Variants in CLEC16A observed in about 807,000 individuals in gnomAD.
CLEC16A encodes protein CLEC16A.
Under a neutral mutation model 109.5 loss-of-function variants are expected in CLEC16A, and 51 were observed. The ratio of observed to expected loss-of-function variants is 0.47; its 90% CI spans 0.37 to 0.59. The LOEUF (loss-of-function observed/expected upper bound fraction) is 0.59, where lower values mean the gene tolerates loss of function less well. CLEC16A is among the 20% of genes least tolerant of loss of function. CLEC16A has a pLI of 0.00. For synonymous variants in CLEC16A, 673 were observed against 564.2 expected (o/e 1.19, Z -2.73); for missense variants, 1,339 against 1,394.0 (o/e 0.96, Z 0.63).
chr16:10,990,788 T>A (rs1418550117), intron 10 of CLEC16A, among the ~76,000 whole-genome samples: 2 of 152,220 alleles, frequency 1.3e-5, no homozygotes, highest in Non-Finnish European at 1.5e-5. Flanking sequence ...ATTGGTGACT[T>A]CTTCTGGGTT....
At position 11,123,691 on chromosome 16, in the gene CLEC16A, C is replaced by T. The variant is rs2052594026; in HGVS notation, c.2269-51C>T. On this transcript the variant is annotated intron_variant, in intron 20 of 23. Transcript: ENST00000409790. Reference sequence around the variant, plus strand: ...CTCATGATGCCACAGCTCCTAGCCACCCTCCTCCCAAACCCAACGAATGCC... The same window carrying T: ...CTCATGATGCCACAGCTCCTAGCCATCCTCCTCCCAAACCCAACGAATGCC... 2.5e-6 allele frequency: 4 copies of T among 1,577,084 alleles called. No individual in the cohort carries two copies. The South Asian group carries it at 3.3e-5, about 13-fold the overall frequency.
At chr16:11,044,233 A>G (rs991688139) in intron 16 of CLEC16A, 161 bp downstream of exon 16, 1 of 521,742 alleles carries the variant, frequency 1.9e-6, no homozygotes, top group South Asian at 7.1e-5. Flanking sequence ...TAGAGTAGCA[A>G]TATCTAAACT....
rs1026309887 is a variant in CLEC16A at position 10,947,332 on chromosome 16, C to T, written c.80+2535C>T. On this transcript the variant is annotated intron_variant, in intron 1 of 23. Transcript: ENST00000409790. ...CTTGGGTCTTGGGTACAGAACAGCTCGTTCCCTGAGGGAGTTTGCAGGCTG... is the reference window on the plus strand; with the variant it reads ...CTTGGGTCTTGGGTACAGAACAGCTTGTTCCCTGAGGGAGTTTGCAGGCTG... Among the ~76,000 whole-genome samples the T allele has an allele frequency of 3.3e-5, 5 of 151,876 alleles. No homozygotes were observed. In the East Asian group the frequency reaches 5.8e-4, roughly 18 times the overall value.
At chr16:11,027,358 T>A in intron 13 of CLEC16A, 1 of 1,413,326 alleles carries the variant, frequency 7.1e-7, no homozygotes, top group Non-Finnish European at 9.9e-7. Flanking sequence ...AGACTTTGCC[T>A]AAAGAAAATT....
rs1394416986 is a variant in CLEC16A at position 11,174,048 on chromosome 16, C to G, written c.2807-4287C>G. ...GGGCACTGCCCCACGACCCTCGCCCCTCGTCAGTGCTCAGCGTCCGCTGCT... is the reference window on the plus strand; with the variant it reads ...GGGCACTGCCCCACGACCCTCGCCCGTCGTCAGTGCTCAGCGTCCGCTGCT... On this transcript the variant is annotated intron_variant, in intron 23 of 23. Coordinates refer to ENST00000409790, the MANE Select transcript of CLEC16A (RefSeq NM_015226.3). The surrounding 1 kb of genome is among the most constrained non-coding windows in gnomAD (Gnocchi z 4.7). The G allele has an allele frequency of 2.6e-6, 1 of 392,064 alleles. No individual in the cohort carries two copies. Among genetic ancestry groups the G allele is most frequent in the Non-Finnish European group, 5.3e-6 (1 of 187,824 alleles). 24.3% of individuals were successfully genotyped at this position (392,064 alleles called of 1,614,324 possible).
chr16:11,133,567 T>G (rs2053373965), intron 22 of CLEC16A, among the ~76,000 whole-genome samples: 1 of 152,126 alleles, frequency 6.6e-6, no homozygotes, highest in Admixed American at 6.5e-5. Context: ...CCAGCTGAGC[T>G]GACCGCAAAG....
chr16:11,107,991 C>T (rs2051328230), intron 19 of CLEC16A, among the ~76,000 whole-genome samples: 1 of 152,256 alleles, frequency 6.6e-6, no homozygotes, highest in South Asian at 2.1e-4. Flanking sequence ...CAAGGCCCCT[C>T]CTGCAGCTGC....
At chr16:11,128,429 A>G (rs2052978699) in intron 22 of CLEC16A, among the ~76,000 whole-genome samples, 1 of 152,204 alleles carries the variant, frequency 6.6e-6, no homozygotes, top group Non-Finnish European at 1.5e-5. Context: ...TGCTGGTCCC[A>G]GGGTCAGCAA....
Position 10,954,066 on chromosome 16 carries a change from G to A in CLEC16A, c.81-3716G>A, listed in dbSNP as rs6498139. ...CATAAACATATATGAACAGGCACCCGGTTTCACTACTGGAAGAAAGCCCCC... is the reference window on the plus strand; with the variant it reads ...CATAAACATATATGAACAGGCACCCAGTTTCACTACTGGAAGAAAGCCCCC... On this transcript the variant is annotated intron_variant, in intron 1 of 23. Coordinates refer to ENST00000409790, the MANE Select transcript of CLEC16A (RefSeq NM_015226.3). The surrounding 1 kb of genome is among the most constrained non-coding windows in gnomAD (Gnocchi z 4.2). 0.23 allele frequency among the ~76,000 whole-genome samples: 35,236 copies of A among 151,914 alleles called. 5,224 individuals carry two copies. Among genetic ancestry groups the A allele is most frequent in the African/African-American group, 0.43 (17,705 of 41,370 alleles).
chr16:10,957,006 A>G (rs1239471270), intron 1 of CLEC16A, among the ~76,000 whole-genome samples: 7 of 152,180 alleles, frequency 4.6e-5, no homozygotes, highest in Admixed American at 1.3e-4. Context: ...CATGTTGACC[A>G]GGCTGGTCTT....
Position 11,178,326 on chromosome 16 carries a change from C to G in CLEC16A, c.2807-9C>G. 2 of 1,597,546 alleles carry G rather than the reference C, an allele frequency of 1.3e-6. No individual in the cohort carries two copies. The highest frequency in any genetic ancestry group is 1.7e-6 in the Non-Finnish European group (2 of 1,168,234). On this transcript the variant is annotated splice_polypyrimidine_tract_variant and intron_variant, in intron 23 of 23. Transcript: ENST00000409790. This position sits in a 1 kb window ranked among gnomAD's most constrained non-coding sequence, Gnocchi z 6.5. ...TCAGTGTGTTTCCGGTTTTTCTCCC[C>G]CAATCCAGATGCCCCCATGAGTCCA...
intron 18 of CLEC16A, among the ~76,000 whole-genome samples, chr16:11,051,898 C>T (rs1277811360): frequency 1.3e-5 from 2 of 152,228 alleles, no homozygotes; most frequent in African/African-American, 4.8e-5. Context: ...CCAGTGCAGA[C>T]AGACAAGCCC....
intron 3 of CLEC16A, among the ~76,000 whole-genome samples, chr16:10,967,960 A>G (rs576012719): frequency 6.6e-6 from 1 of 152,368 alleles, no homozygotes; most frequent in East Asian, 1.9e-4. Context: ...CCGGGGCCCA[A>G]GATCCTACAG....
intron 3 of CLEC16A, among the ~76,000 whole-genome samples, chr16:10,964,642 C>G (rs945425187): frequency 1.3e-5 from 2 of 152,208 alleles, no homozygotes; most frequent in African/African-American, 4.8e-5. Context: ...TGGGAAGCCT[C>G]TCAAAGTCCA....
chr16:10,981,556 C>T (rs1396100247), intron 9 of CLEC16A, among the ~76,000 whole-genome samples: 2 of 152,198 alleles, frequency 1.3e-5, no homozygotes, highest in Non-Finnish European at 2.9e-5. Context: ...TCAAACAGTA[C>T]AAAACATGGC....
chr16:11,053,372 A>ATT (rs780259138), intron 18 of CLEC16A, among the ~76,000 whole-genome samples: 2 of 145,458 alleles, frequency 1.4e-5, no homozygotes, highest in African/African-American at 2.5e-5. Flanking sequence ...CAGAGGAAGA[A>ATT]TTTTTTTTTT....
intron 19 of CLEC16A, among the ~76,000 whole-genome samples, chr16:11,063,306 G>A (rs1265674096): frequency 5.6e-4 from 82 of 146,342 alleles, no homozygotes; most frequent in African/African-American, 2.1e-3. Context: ...TTTTGAGGGA[G>A]GGATTGTAAA....
At chr16:11,043,020 ATT>A (rs1240421590) in intron 15 of CLEC16A, among the ~76,000 whole-genome samples, 1 of 151,834 alleles carries the variant, frequency 6.6e-6, no homozygotes, top group Non-Finnish European at 1.5e-5. Flanking sequence ...TGAAACATCT[ATT>A]TACATATGTA....
intron 10 of CLEC16A, among the ~76,000 whole-genome samples, 179 bp downstream of exon 10, chr16:10,983,170 G>A (rs1209201264): frequency 6.6e-6 from 1 of 152,224 alleles, no homozygotes; most frequent in Non-Finnish European, 1.5e-5. Context: ...GAGAAGCTGG[G>A]ATCAGGGACC....
Sources: gnomAD v4.1 joint callset for allele counts (sites outside exome capture counted in the v4.1 genomes callset) on GRCh38, gnomAD v4.1.1 for gene constraint, Gnocchi (gnomAD v3.1) non-coding constraint, MANE v1.5 for transcripts, NCBI Gene and HGNC (gene_info 2026-07-23, HGNC 2026-07-21) for gene names.